The following ZNF428 variants were observed in gnomAD, a reference collection of about 807,000 sequenced individuals.
ZNF428 encodes enzyme-like protein PIT13.
In ZNF428, 5 loss-of-function variants were observed where a neutral mutation model predicts 15.6. The ratio of observed to expected loss-of-function variants is 0.32; its 90% CI spans 0.17 to 0.67. The LOEUF is 0.67. Among genes scored for constraint, ZNF428 ranks in the 30% least tolerant of loss-of-function variants. The probability of loss-of-function intolerance (pLI) is 0.73; values close to 1 mark genes in which losing one functional copy is unlikely to be tolerated. For synonymous variants in ZNF428, 97 were observed against 102.2 expected (o/e 0.95, Z 0.31); for missense variants, 237 against 256.0 (o/e 0.93, Z 0.51).
At chr19:43,617,059 G>A (rs1174573135) in intron 1 of ZNF428, among the ~76,000 whole-genome samples, 1 of 151,918 alleles carries the variant, frequency 6.6e-6, no homozygotes, top group Non-Finnish European at 1.5e-5. Context: ...GCCTCCCAGA[G>A]TGCTGGGATT....
rs1211210812 is a variant in ZNF428, at chr19:43,607,485, C to G, written c.*132G>C. The G allele has an allele frequency of 5.8e-6, 7 of 1,198,978 alleles. No homozygotes were observed. Among genetic ancestry groups the G allele is most frequent in the Non-Finnish European group, 7.9e-6 (7 of 881,478 alleles). 74.3% of individuals were successfully genotyped at this position (1,198,978 alleles called of 1,614,324 possible). ...AGATTTTGGCTTTTATTCTGGCCAT[C>G]ACACATCTACTTCTAAGACAACACA... On this transcript the variant is annotated 3_prime_UTR_variant, in exon 3 of 3. Transcript: ENST00000300811. This position sits in a 1 kb window ranked among gnomAD's most constrained non-coding sequence, Gnocchi z 5.1.
At position 43,612,126 on chromosome 19, in the gene ZNF428, C is replaced by T; in HGVS notation, c.76+2103G>A. 6.4e-7 allele frequency: 1 copy of T among 1,551,280 alleles called. No individual in the cohort carries two copies. The highest frequency in any genetic ancestry group is 8.7e-7 in the Non-Finnish European group (1 of 1,146,664). On this transcript the variant is annotated intron_variant, in intron 2 of 2. Coordinates refer to ENST00000300811, the MANE Select transcript of ZNF428 (RefSeq NM_182498.4). This position sits in a 1 kb window ranked among gnomAD's most constrained non-coding sequence, Gnocchi z 4.2. ...ACAAGCCCTTTTGCGCCCACCATGTCTTCACCTAAGAGATCTTCAAAGCCC... is the reference window on the plus strand; with the variant it reads ...ACAAGCCCTTTTGCGCCCACCATGTTTTCACCTAAGAGATCTTCAAAGCCC...
In ZNF428 at chr19:43,612,715, A is replaced by G; in HGVS notation, c.76+1514T>C. 4 of 1,551,632 alleles carry G rather than the reference A, an allele frequency of 2.6e-6. No homozygotes were observed. The highest frequency in any genetic ancestry group is 3.5e-6 in the Non-Finnish European group (4 of 1,146,992). On this transcript the variant is annotated intron_variant, in intron 2 of 2. Coordinates refer to ENST00000300811, the MANE Select transcript of ZNF428 (RefSeq NM_182498.4). This position sits in a 1 kb window ranked among gnomAD's most constrained non-coding sequence, Gnocchi z 4.2. ...ATCTGAGCAAGAAGAGTTACCGCCCACCAGGAGGCTCAGGTATAGGGAGGA... is the reference window on the plus strand; with the variant it reads ...ATCTGAGCAAGAAGAGTTACCGCCCGCCAGGAGGCTCAGGTATAGGGAGGA...
intron 2 of ZNF428, among the ~76,000 whole-genome samples, chr19:43,609,397 T>C (rs1020544668): frequency 1.7e-5 from 2 of 120,832 alleles, no homozygotes; most frequent in East Asian, 2.6e-4. Flanking sequence ...ATTAAAACAT[T>C]TATTTATAGG....
In ZNF428 at chr19:43,607,380, CACACACACACACACAA is replaced by C; in HGVS notation, c.*221_*236del. Reference sequence around the variant, plus strand: ...AAGGAGCCCAGGGGGAATACACACACACACACACACACACAAACACACACACGGGCGGGAATACACA... The same window carrying C: ...AAGGAGCCCAGGGGGAATACACACACACACACACACGGGCGGGAATACACA... On this transcript the variant is annotated 3_prime_UTR_variant, in exon 3 of 3. Transcript: ENST00000300811. This position sits in a 1 kb window ranked among gnomAD's most constrained non-coding sequence, Gnocchi z 5.1. 2.0e-6 allele frequency: 1 copy of C among 494,268 alleles called. No homozygotes were observed. The highest frequency in any genetic ancestry group is 3.4e-6 in the Non-Finnish European group (1 of 291,474). 30.6% of individuals were successfully genotyped at this position (494,268 alleles called of 1,614,324 possible). A position where few individuals can be genotyped will look rare whatever the true frequency, so the allele number is the denominator to read the frequency against.
chr19:43,610,751 T>C (rs978394868), intron 2 of ZNF428, among the ~76,000 whole-genome samples: 5 of 152,166 alleles, frequency 3.3e-5, no homozygotes, highest in Non-Finnish European at 7.4e-5. Flanking sequence ...CCCTAGTTTT[T>C]CCCACCATCC....
intron 1 of ZNF428, among the ~76,000 whole-genome samples, chr19:43,618,441 C>T (rs1316084920): frequency 2.0e-5 from 3 of 151,892 alleles, no homozygotes; most frequent in Non-Finnish European, 2.9e-5. Context: ...CATGTACTCC[C>T]CCATAACCAG....
At chr19:43,616,955 G>A (rs553873367) in intron 1 of ZNF428, among the ~76,000 whole-genome samples, 9 of 151,536 alleles carry the variant, frequency 5.9e-5, no homozygotes, top group Non-Finnish European at 1.2e-4. Flanking sequence ...CACCATGCCC[G>A]GCTAATTTTT....
chr19:43,617,660 G>A (rs1169301079), intron 1 of ZNF428, among the ~76,000 whole-genome samples: 4 of 152,242 alleles, frequency 2.6e-5, no homozygotes, highest in East Asian at 3.8e-4. Context: ...AAGATTGCCA[G>A]ATTTAGCAAA....
intron 1 of ZNF428, among the ~76,000 whole-genome samples, chr19:43,617,241 G>A (rs540268992): frequency 3.3e-5 from 5 of 151,768 alleles, no homozygotes; most frequent in East Asian, 1.9e-4. Flanking sequence ...CTTCACCAAC[G>A]GACCGCCCCC....
intron 2 of ZNF428, among the ~76,000 whole-genome samples, chr19:43,608,859 C>T (rs1447709535): frequency 3.4e-5 from 5 of 146,878 alleles, no homozygotes; most frequent in South Asian, 2.1e-4. Flanking sequence ...ACCCAGGAGG[C>T]GGAGGTTGCA....
At chr19:43,609,394 CATTT>C (rs1249877662) in intron 2 of ZNF428, among the ~76,000 whole-genome samples, 1 of 150,924 alleles carries the variant, frequency 6.6e-6, no homozygotes, top group Non-Finnish European at 1.5e-5. Flanking sequence ...TGAATTAAAA[CATTT>C]ATTTATAGGT....
chr19:43,609,912 A>G (rs150826368), intron 2 of ZNF428, among the ~76,000 whole-genome samples: 1 of 152,154 alleles, frequency 6.6e-6, no homozygotes, highest in Non-Finnish European at 1.5e-5. Flanking sequence ...GCCTGCCAAA[A>G]GCCTCACCTT....
In ZNF428 at chr19:43,607,997, G is replaced by A; in HGVS notation, c.187C>T (p.Pro63Ser). ...EETTDDPEYD[P>S]GYKVKQRLGG... Reference sequence around the variant, plus strand: ...AGGCGCTGCTTCACCTTGTAGCCAGGATCATATTCAGGATCGTCAGTGGTC... The same window carrying A: ...AGGCGCTGCTTCACCTTGTAGCCAGAATCATATTCAGGATCGTCAGTGGTC... The change falls in exon 3 of 3, where the codon CCT becomes TCT. Residue 63 changes from proline to serine, a missense_variant. Coordinates refer to ENST00000300811, the MANE Select transcript of ZNF428 (RefSeq NM_182498.4). This position sits in a 1 kb window ranked among gnomAD's most constrained non-coding sequence, Gnocchi z 5.1. 1 of 1,612,058 alleles carries A rather than the reference G, an allele frequency of 6.2e-7. No homozygotes were observed. The highest frequency in any genetic ancestry group is 8.5e-7 in the Non-Finnish European group (1 of 1,179,430).
intron 2 of ZNF428, 157 bp downstream of exon 2, chr19:43,614,072 G>T: frequency 6.4e-7 from 1 of 1,557,892 alleles, no homozygotes; most frequent in Non-Finnish European, 8.7e-7. Context: ...CAGAAGTCCC[G>T]ACTGGAAGAG....
chr19:43,610,207 C>T (rs1425984764), intron 2 of ZNF428, among the ~76,000 whole-genome samples: 1 of 151,588 alleles, frequency 6.6e-6, no homozygotes, highest in African/African-American at 2.4e-5. Flanking sequence ...GATTTTTCTC[C>T]ATCTTCTTTT....
At position 43,607,372 on chromosome 19, in the gene ZNF428, TACACACACACAC is replaced by T. The variant is rs3052821; in HGVS notation, c.*233_*244del. On this transcript the variant is annotated 3_prime_UTR_variant, in exon 3 of 3. Coordinates refer to ENST00000300811, the MANE Select transcript of ZNF428 (RefSeq NM_182498.4). This position sits in a 1 kb window ranked among gnomAD's most constrained non-coding sequence, Gnocchi z 5.1. ...TCCCCAAGAAGGAGCCCAGGGGGAA[TACACACACACAC>T]ACACACACACAAACACACACACGGG... The T allele has an allele frequency of 5.5e-5, 23 of 419,736 alleles. 1 individual carries two copies. The highest frequency in any genetic ancestry group is 4.6e-4 in the East Asian group (12 of 26,064). The allele number at this position is 419,736 out of a possible 1,614,324, so 26.0% of individuals were successfully genotyped here.
chr19:43,614,089 TA>T, intron 2 of ZNF428, 139 bp downstream of exon 2: 1 of 1,569,646 alleles, frequency 6.4e-7, no homozygotes, highest in South Asian at 1.2e-5. Flanking sequence ...AGAGATCCCC[TA>T]CTAGGACAAG....
At chr19:43,613,604 A>G (rs1208713812) in intron 2 of ZNF428, 1 of 1,550,306 alleles carries the variant, frequency 6.5e-7, no homozygotes, top group South Asian at 1.2e-5. Flanking sequence ...CAGCAAAGAG[A>G]GAGATCACAG....
Sources: allele counts gnomAD v4.1 joint callset (sites outside exome capture counted in the v4.1 genomes callset), GRCh38; gene constraint gnomAD v4.1.1; non-coding constraint Gnocchi (gnomAD v3.1); transcripts MANE v1.5; gene names NCBI Gene and HGNC (gene_info 2026-07-23, HGNC 2026-07-21).